The following NWD2 variants were observed in gnomAD, a reference collection of about 807,000 sequenced individuals.
NWD2 encodes NACHT and WD repeat domain-containing protein 2.
In NWD2, 37 loss-of-function variants were observed where a neutral mutation model predicts 132.7. That is an observed-to-expected ratio of 0.28 (90% CI 0.21 to 0.37). NWD2 has a LOEUF of 0.37. Among genes scored for constraint, NWD2 ranks in the 10% least tolerant of loss-of-function variants. The probability of loss-of-function intolerance (pLI) is 1.00; values close to 1 mark genes in which losing one functional copy is unlikely to be tolerated. For synonymous variants in NWD2, 705 were observed against 803.0 expected, an observed-to-expected ratio of 0.88 and a Z score of 2.06; for missense variants, 1,592 against 2,122.4, an observed-to-expected ratio of 0.75 and a Z score of 4.91.
At chr4:37,261,329 A>G (rs1270749097) in intron 1 of NWD2, among the ~76,000 whole-genome samples, 3 of 152,244 alleles carry the variant, frequency 2.0e-5, no homozygotes, top group Non-Finnish European at 4.4e-5. Flanking sequence ...TGATACAGTT[A>G]GGAAACATTT....
chr4:37,416,049 T>A (rs970315491), intron 3 of NWD2, among the ~76,000 whole-genome samples: 3 of 152,314 alleles, frequency 2.0e-5, no homozygotes, highest in African/African-American at 7.2e-5. Context: ...CTGAAAGGCC[T>A]CAGCAGGATC....
intron 3 of NWD2, among the ~76,000 whole-genome samples, chr4:37,379,045 T>C (rs1247587920): frequency 6.6e-6 from 1 of 152,162 alleles, no homozygotes. Flanking sequence ...ACTTGCCAAA[T>C]CCTTGATAAT....
At chr4:37,400,640 T>C (rs770873141) in intron 3 of NWD2, among the ~76,000 whole-genome samples, 1 of 152,240 alleles carries the variant, frequency 6.6e-6, no homozygotes, top group Non-Finnish European at 1.5e-5. Flanking sequence ...TAGCATTTTA[T>C]GGAAGCTATG....
At position 37,439,234 on chromosome 4, in the gene NWD2, T is replaced by C; in HGVS notation, c.1140T>C (p.Cys380=). Residue 380 remains cysteine, a synonymous_variant, in exon 6 of 7, where the codon TGT becomes TGC. Transcript: ENST00000309447. This position sits in a 1 kb window ranked among gnomAD's most constrained non-coding sequence, Gnocchi z 4.5. ...YDEILQHSSL[C]KTYASFYEYK... ...AAATCCTTCAACATTCATCATTATG[T>C]AAAACATACGCCTCCTTCTATGAGT... The C allele has an allele frequency of 4.5e-6, 7 of 1,551,152 alleles. No homozygotes were observed. Among genetic ancestry groups the C allele is most frequent in the African/African-American group, 1.4e-5 (1 of 73,134 alleles).
chr4:37,257,964 G>A (rs960108698), intron 1 of NWD2, among the ~76,000 whole-genome samples: 1 of 152,242 alleles, frequency 6.6e-6, no homozygotes, highest in East Asian at 1.9e-4. Flanking sequence ...AATGTCAGAT[G>A]TGCTAAATTC....
At chr4:37,358,981 A>G (rs754692387) in intron 3 of NWD2, among the ~76,000 whole-genome samples, 1 of 152,150 alleles carries the variant, frequency 6.6e-6, no homozygotes, top group Non-Finnish European at 1.5e-5. Flanking sequence ...ATAACCCACT[A>G]TGGGAGTGTC....
At chr4:37,427,881 A>C (rs1017199890) in intron 3 of NWD2, among the ~76,000 whole-genome samples, 3 of 152,334 alleles carry the variant, frequency 2.0e-5, no homozygotes, top group African/African-American at 7.2e-5. Flanking sequence ...ATATAGCTGA[A>C]TTGAGTATTG....
chr4:37,245,010 A>G lies in NWD2; in HGVS notation c.-58A>G. Reference sequence around the variant, plus strand: ...TGAGCCGTTCCGTGGAGCTGCGGGCAGGAACCCGAGGAGCAGGAGGTGGCG... The same window carrying G: ...TGAGCCGTTCCGTGGAGCTGCGGGCGGGAACCCGAGGAGCAGGAGGTGGCG... On this transcript the variant is annotated 5_prime_UTR_variant, in exon 1 of 7. Coordinates refer to ENST00000309447, the MANE Select transcript of NWD2 (RefSeq NM_001144990.2). 6.5e-7 allele frequency: 1 copy of G among 1,535,792 alleles called. No homozygotes were observed.
chr4:37,358,764 G>A (rs530665386), intron 3 of NWD2, among the ~76,000 whole-genome samples: 27 of 152,126 alleles, frequency 1.8e-4, no homozygotes, highest in Non-Finnish European at 3.1e-4. Flanking sequence ...AAAAGTGTTC[G>A]TTGTTTCTTA....
chr4:37,416,099 A>G (rs562552232), intron 3 of NWD2, among the ~76,000 whole-genome samples: 2 of 152,296 alleles, frequency 1.3e-5, no homozygotes, highest in East Asian at 1.9e-4. Context: ...CCTCAGACAC[A>G]CTGACTAGGG....
chr4:37,258,648 A>G (rs1041765002), intron 1 of NWD2, among the ~76,000 whole-genome samples: 8 of 152,334 alleles, frequency 5.3e-5, no homozygotes, highest in Middle Eastern at 3.4e-3. Context: ...TCTCCAGGAC[A>G]GTGAGACAGT....
Position 37,297,082 on chromosome 4 carries a change from C to T in NWD2, c.152-28854C>T, listed in dbSNP as rs540913220. Among the ~76,000 whole-genome samples, 253 of 152,214 alleles carry T rather than the reference C, an allele frequency of 1.7e-3. 1 individual carries two copies. Among genetic ancestry groups the T allele is most frequent in the Non-Finnish European group, 2.1e-3 (142 of 67,996 alleles). ...CCATTTTACCACATTTGCTTTATCC[C>T]CCACTCCTCTGTGTGTGTGTATATC... On this transcript the variant is annotated intron_variant, in intron 1 of 6. Transcript: ENST00000309447.
At position 37,439,882 on chromosome 4, in the gene NWD2, G is replaced by A. The variant is rs139819700; in HGVS notation, c.1296+492G>A. ...ATGGGGATCTTCTTTCTTTTTCCAC[G>A]TGGCACTTCTTTCTCTCCTTTCCTA... On this transcript the variant is annotated intron_variant, in intron 6 of 6. Coordinates refer to ENST00000309447, the MANE Select transcript of NWD2 (RefSeq NM_001144990.2). This position sits in a 1 kb window ranked among gnomAD's most constrained non-coding sequence, Gnocchi z 4.5. Among the ~76,000 whole-genome samples, 4 of 152,280 alleles carry A rather than the reference G, an allele frequency of 2.6e-5. No individual in the cohort carries two copies. The South Asian group carries it at 6.2e-4, about 24-fold the overall frequency.
chr4:37,416,805 C>CAT (rs1711625803), intron 3 of NWD2, among the ~76,000 whole-genome samples: 1 of 152,070 alleles, frequency 6.6e-6, no homozygotes, highest in East Asian at 1.9e-4. Flanking sequence ...TGCAGCAACC[C>CAT]GGGTGGAATT....
intron 3 of NWD2, among the ~76,000 whole-genome samples, chr4:37,425,980 G>C (rs1298093852): frequency 6.6e-6 from 1 of 152,154 alleles, no homozygotes; most frequent in African/African-American, 2.4e-5. Context: ...TCTTGAACTT[G>C]GTCTTCCATC....
At chr4:37,351,643 A>AT (rs935879800) in intron 2 of NWD2, among the ~76,000 whole-genome samples, 135 of 152,130 alleles carry the variant, frequency 8.9e-4, no homozygotes, top group Non-Finnish European at 1.5e-4. Context: ...GGATTCATTG[A>AT]TTTTTTTAAG....
chr4:37,282,460 G>A (rs769835555), intron 1 of NWD2, among the ~76,000 whole-genome samples: 6 of 152,174 alleles, frequency 3.9e-5, no homozygotes, highest in Non-Finnish European at 8.8e-5. Flanking sequence ...AATAGAGTTT[G>A]TAGGTATAAA....
At chr4:37,337,184 T>C (rs1719427235) in intron 2 of NWD2, among the ~76,000 whole-genome samples, 1 of 152,238 alleles carries the variant, frequency 6.6e-6, no homozygotes, top group South Asian at 2.1e-4. Flanking sequence ...ATCTTGAAAC[T>C]TAATTTGAAA....
At chr4:37,275,415 T>G (rs140303239) in intron 1 of NWD2, among the ~76,000 whole-genome samples, 7,124 of 151,904 alleles carry the variant, frequency 0.047, 585 homozygotes, top group African/African-American at 0.16. Flanking sequence ...CACTGCTCAA[T>G]GAAATAAAAG....
Sources: allele counts gnomAD v4.1 joint callset (sites outside exome capture counted in the v4.1 genomes callset), GRCh38; gene constraint gnomAD v4.1.1; non-coding constraint Gnocchi (gnomAD v3.1); transcripts MANE v1.5; gene names NCBI Gene and HGNC (gene_info 2026-07-23, HGNC 2026-07-21).